KIAA1958: variants seen among roughly 807,000 people sequenced by gnomAD.
KIAA1958 encodes uncharacterized protein KIAA1958.
A neutral mutation model predicts 47.2 loss-of-function variants in KIAA1958; 14 were observed. That is an observed-to-expected ratio of 0.30 (90% CI 0.20 to 0.46). KIAA1958 has a LOEUF of 0.46. KIAA1958 is among the 20% of genes least tolerant of loss of function. The probability of loss-of-function intolerance (pLI) is 1.00; values close to 1 mark genes in which losing one functional copy is unlikely to be tolerated. For missense variants in KIAA1958, 803 were observed against 909.2 expected (o/e 0.88, Z 1.50); for synonymous variants, 354 against 353.3 (o/e 1.00, Z -0.02).
intron 2 of KIAA1958, among the ~76,000 whole-genome samples, chr9:112,605,116 A>G (rs111648820): frequency 0.038 from 5,810 of 151,030 alleles, 143 homozygotes; most frequent in Non-Finnish European, 0.059. Context: ...CTGCTTTAAC[A>G]CTTTGCTAAA....
chr9:112,503,655 A>G (rs1834183919), intron 1 of KIAA1958, among the ~76,000 whole-genome samples: 1 of 145,994 alleles, frequency 6.8e-6, no homozygotes, highest in Non-Finnish European at 1.5e-5. Flanking sequence ...GCTCCGCTAG[A>G]GTGAAGGAGG....
chr9:112,531,339 G>T (rs1433482143), intron 1 of KIAA1958, among the ~76,000 whole-genome samples: 1 of 152,150 alleles, frequency 6.6e-6, no homozygotes, highest in Non-Finnish European at 1.5e-5. Context: ...GGTGAGACGA[G>T]ATCACGCCAT....
intron 1 of KIAA1958, among the ~76,000 whole-genome samples, chr9:112,488,099 G>A (rs936773798): frequency 1.3e-5 from 2 of 152,148 alleles, no homozygotes; most frequent in Non-Finnish European, 2.9e-5. Flanking sequence ...CATGGTGGAG[G>A]TTAAATTGGA....
intron 1 of KIAA1958, among the ~76,000 whole-genome samples, chr9:112,535,058 TTAAAC>T (rs1168635421): frequency 5.3e-5 from 8 of 152,224 alleles, no homozygotes; most frequent in Admixed American, 1.3e-4. Context: ...AAAGGATAAA[TTAAAC>T]TAAGTAACAT....
Position 112,645,672 on chromosome 9 carries a change from A to C in KIAA1958, c.1194A>C (p.Lys398Asn). ...CIPAYSTKLN[K>N]FPVFNINDDL... ...TAGCTTATTCCACTAAGCTCAACAA[A>C]TTTCCTGTATTTAATATTAATGATG... is the stretch of plus-strand genomic sequence containing the variant. The change falls in exon 3 of 4, where the codon AAA becomes AAC. Residue 398 changes from lysine (K) to asparagine (N), a missense_variant. Transcript: ENST00000337530. The C allele has an allele frequency of 6.2e-7, 1 of 1,606,166 alleles. No homozygotes were observed. The highest frequency in any genetic ancestry group is 8.5e-7 in the Non-Finnish European group (1 of 1,176,502).
chr9:112,541,013 C>T (rs936231464), intron 1 of KIAA1958, among the ~76,000 whole-genome samples: 2 of 152,048 alleles, frequency 1.3e-5, no homozygotes, highest in Non-Finnish European at 2.9e-5. Flanking sequence ...AGTCACCGAG[C>T]CTGGCCTGGA....
intron 2 of KIAA1958, 135 bp downstream of exon 2, chr9:112,575,386 CTG>C (rs1297803887): frequency 1.7e-6 from 1 of 603,624 alleles, no homozygotes; most frequent in South Asian, 2.8e-5. Flanking sequence ...GAAACAATGA[CTG>C]TGTTACATCC....
At chr9:112,628,166 G>A (rs1270699795) in intron 2 of KIAA1958, among the ~76,000 whole-genome samples, 5 of 152,124 alleles carry the variant, frequency 3.3e-5, no homozygotes, top group Admixed American at 6.5e-5. Context: ...ACTTGATGCA[G>A]GGTTTCCTTC....
At chr9:112,633,119 T>A (rs1836740462) in intron 2 of KIAA1958, among the ~76,000 whole-genome samples, 1 of 152,104 alleles carries the variant, frequency 6.6e-6, no homozygotes, top group African/African-American at 2.4e-5. Flanking sequence ...GATTCTCTTC[T>A]GTAGCAATGA....
chr9:112,554,857 T>TA (rs1341400706), intron 1 of KIAA1958, among the ~76,000 whole-genome samples: 1 of 152,200 alleles, frequency 6.6e-6, no homozygotes, highest in Non-Finnish European at 1.5e-5. Context: ...GAGCCACTGT[T>TA]ACAGTGTGTG....
chr9:112,556,849 G>A (rs749602379), intron 1 of KIAA1958, among the ~76,000 whole-genome samples: 1 of 152,200 alleles, frequency 6.6e-6, no homozygotes, highest in African/African-American at 2.4e-5. Flanking sequence ...TGGGCTGGGG[G>A]TAGTGGGGCA....
intron 1 of KIAA1958, among the ~76,000 whole-genome samples, chr9:112,530,686 T>TA (rs2132810486): frequency 6.6e-6 from 1 of 152,376 alleles, no homozygotes; most frequent in African/African-American, 2.4e-5. Context: ...CAAATCATAT[T>TA]AGAGAATTTT....
At chr9:112,570,254 T>C (rs540303378) in intron 1 of KIAA1958, among the ~76,000 whole-genome samples, 1 of 152,356 alleles carries the variant, frequency 6.6e-6, no homozygotes, top group South Asian at 2.1e-4. Context: ...ACTGAGCTTG[T>C]TGAATTCTTT....
rs370245016 is a variant in KIAA1958, at chr9:112,521,934, T to C, written c.-25+34816T>C. On this transcript the variant is annotated intron_variant, in intron 1 of 3. Coordinates refer to ENST00000337530, the MANE Select transcript of KIAA1958 (RefSeq NM_133465.4). Reference sequence around the variant, plus strand: ...CTCCACACACTTGAATAATCATTGCTGGGCATAGAATTCTGGTTTTAAATA... The same window carrying C: ...CTCCACACACTTGAATAATCATTGCCGGGCATAGAATTCTGGTTTTAAATA... Among the ~76,000 whole-genome samples, 5 of 148,924 alleles carry C rather than the reference T, an allele frequency of 3.4e-5. No individual in the cohort carries two copies. The East Asian group carries it at 7.7e-4, about 23-fold the overall frequency.
At chr9:112,546,532 A>G (rs1166349806) in intron 1 of KIAA1958, among the ~76,000 whole-genome samples, 2 of 151,678 alleles carry the variant, frequency 1.3e-5, no homozygotes, top group Admixed American at 1.3e-4. Flanking sequence ...GCTGGAGTGC[A>G]GTGCTTTCTT....
At chr9:112,521,580 T>G (rs1834545109) in intron 1 of KIAA1958, among the ~76,000 whole-genome samples, 2 of 152,296 alleles carry the variant, frequency 1.3e-5, no homozygotes, top group South Asian at 4.1e-4. Flanking sequence ...ATCATGTTAA[T>G]TTTTAGTTTT....
rs1837359181 is a variant in KIAA1958, at chr9:112,666,979, T to C, written c.*6910T>C. The C allele has an allele frequency of 6.6e-6, 1 of 152,146 alleles. No individual in the cohort carries two copies. The highest frequency in any genetic ancestry group is 2.4e-5 in the African/African-American group (1 of 41,438). The allele number at this position is 152,146 out of a possible 1,614,324, so 9.4% of individuals were successfully genotyped here. On this transcript the variant is annotated 3_prime_UTR_variant, in exon 4 of 4. Transcript: ENST00000337530. ...TAGACCTATGGTGGCATCCCAAGAA[T>C]AAAGCCCTTTAGGTGAAGGTAGAAA...
intron 2 of KIAA1958, among the ~76,000 whole-genome samples, chr9:112,628,044 C>G (rs987315685): frequency 5.3e-5 from 8 of 152,138 alleles, no homozygotes; most frequent in African/African-American, 1.9e-4. Context: ...AGGAATACCA[C>G]TATACTTTTA....
At chr9:112,657,497 G>A (rs1014863925) in intron 3 of KIAA1958, among the ~76,000 whole-genome samples, 1 of 152,122 alleles carries the variant, frequency 6.6e-6, no homozygotes, top group Admixed American at 6.6e-5. Context: ...TCAAAACTAT[G>A]ATGTATATTT....
Sources: allele counts gnomAD v4.1 joint callset (sites outside exome capture counted in the v4.1 genomes callset), GRCh38; gene constraint gnomAD v4.1.1; transcripts MANE v1.5; gene names NCBI Gene and HGNC (gene_info 2026-07-23, HGNC 2026-07-21).